NRIP3: variants seen among roughly 807,000 people sequenced by gnomAD.
NRIP3 encodes the protein nuclear receptor interacting protein 3.
A neutral mutation model predicts 29.0 loss-of-function variants in NRIP3; 31 were observed. That is an observed-to-expected ratio of 1.07 (90% CI 0.80 to 1.44). The LOEUF is 1.44. Ranked by LOEUF, NRIP3 falls within the 40% of genes most tolerant of loss-of-function variation. The pLI, the probability that NRIP3 is intolerant of heterozygous loss-of-function variation, is 0.00. For synonymous variants in NRIP3, 131 were observed against 118.3 expected (o/e 1.11, Z -0.70); for missense variants, 314 against 297.9 (o/e 1.05, Z -0.40).
In NRIP3 at chr11:8,985,726, G is replaced by C; in HGVS notation, c.547C>G (p.Pro183Ala). ...ITLGSLRLDC[P>A]AAVVDDNEKN... The stretch of plus-strand genomic sequence containing the variant: ...TTCTGCTTACCAACCACAGCTGCTG[G>C]GCAGTCCAGGCGGAGGGAGCCCAGT... Residue 183 changes from proline to alanine, a missense_variant, in exon 4 of 7, where the codon CCA (proline) becomes GCA (alanine). Transcript: ENST00000309166. 1.2e-6 allele frequency: 2 copies of C among 1,613,970 alleles called. No homozygotes were observed.
chr11:8,989,071 G>T (rs771648695), intron 1 of NRIP3, among the ~76,000 whole-genome samples: 66 of 152,308 alleles, frequency 4.3e-4, no homozygotes, highest in Middle Eastern at 3.4e-3. Flanking sequence ...CAAGAAGCAG[G>T]GGACTTAATT....
chr11:8,985,962 A>C, intron 3 of NRIP3, 112 bp from the exon 4 acceptor site: 1 of 1,280,100 alleles, frequency 7.8e-7, no homozygotes, highest in South Asian at 1.4e-5. Context: ...TCCTGGGATT[A>C]ATCTACCGAA....
At chr11:8,992,880 C>A (rs905313442) in intron 1 of NRIP3, among the ~76,000 whole-genome samples, 2 of 151,932 alleles carry the variant, frequency 1.3e-5, no homozygotes, top group East Asian at 1.9e-4. Context: ...CCACTGCACT[C>A]CAGCCTGGGT....
chr11:9,001,760 G>T (rs1373324338), intron 1 of NRIP3, among the ~76,000 whole-genome samples: 1 of 144,498 alleles, frequency 6.9e-6, no homozygotes, highest in Non-Finnish European at 1.5e-5. Flanking sequence ...CAGCGCTTGC[G>T]GCTCTCCTAG....
intron 1 of NRIP3, among the ~76,000 whole-genome samples, chr11:8,996,275 CTTTTTTTTTT>C (rs386373056): frequency 1.2e-5 from 1 of 82,944 alleles, no homozygotes; most frequent in African/African-American, 4.9e-5. Context: ...CCTTTTTTTC[CTTTTTTTTTT>C]TTTTTTTTTT....
chr11:9,002,184 T>C (rs1405040785), intron 1 of NRIP3, among the ~76,000 whole-genome samples: 1 of 152,214 alleles, frequency 6.6e-6, no homozygotes, highest in Non-Finnish European at 1.5e-5. Flanking sequence ...AACTCTGTAT[T>C]TTAATTCTTC....
rs949549313 is a variant in NRIP3, at chr11:9,003,750, G to A, written c.174+12C>T. ...CGCCGGGGCCGGGGCGAGAACGGCG[G>A]CGGGGGCTCACCATGTCCTTGGACG... On this transcript the variant is annotated intron_variant, in intron 1 of 6. Coordinates refer to ENST00000309166, the MANE Select transcript of NRIP3 (RefSeq NM_020645.3). The A allele has an allele frequency of 3.6e-6, 5 of 1,400,668 alleles. No individual in the cohort carries two copies. The highest frequency in any genetic ancestry group is 4.7e-6 in the Non-Finnish European group (5 of 1,068,904). The allele number at this position is 1,400,668 out of a possible 1,614,324, so 86.8% of individuals were successfully genotyped here.
chr11:9,001,617 T>C (rs1755162764), intron 1 of NRIP3, among the ~76,000 whole-genome samples: 2 of 152,194 alleles, frequency 1.3e-5, no homozygotes, highest in South Asian at 2.1e-4. Context: ...TGAGAGAAAA[T>C]TGAGTCAACA....
chr11:8,982,337 C>T lies in NRIP3; in HGVS notation c.*1208G>A, dbSNP rs1041632308. ...TGTATCAGGACAGAACTGAACATCT[C>T]AATTCCCTGCCTGAAAATGTCATTC... On this transcript the variant is annotated 3_prime_UTR_variant, in exon 7 of 7. Coordinates refer to ENST00000309166, the MANE Select transcript of NRIP3 (RefSeq NM_020645.3). 1 of 152,584 alleles carries T rather than the reference C, an allele frequency of 6.6e-6. No homozygotes were observed. Among genetic ancestry groups the T allele is most frequent in the African/African-American group, 2.4e-5 (1 of 41,464 alleles). 9.5% of individuals were successfully genotyped at this position (152,584 alleles called of 1,614,324 possible). A position where few individuals can be genotyped will look rare whatever the true frequency, so the allele number is the denominator to read the frequency against.
At position 8,992,647 on chromosome 11, in the gene NRIP3, ACG is replaced by A. The variant is rs956686300; in HGVS notation, c.175-4367_175-4366del. ...AATCTGGGGCCGGGCGCAGTGGCTCACGTCTGTAATCCCAGCACTTTGGGAGG... is the reference window on the plus strand; with the variant it reads ...AATCTGGGGCCGGGCGCAGTGGCTCATCTGTAATCCCAGCACTTTGGGAGG... On this transcript the variant is annotated intron_variant, in intron 1 of 6. Transcript: ENST00000309166. Among the ~76,000 whole-genome samples the A allele has an allele frequency of 7.6e-4, 115 of 152,230 alleles. 11 individuals are homozygous for A. Among genetic ancestry groups the A allele is most frequent in the Non-Finnish European group, 7.3e-5 (5 of 68,046 alleles).
chr11:8,985,834 T>C lies in NRIP3; in HGVS notation c.439A>G (p.Lys147Glu). 1 of 1,614,142 alleles carries C rather than the reference T, an allele frequency of 6.2e-7. No individual in the cohort carries two copies. The highest frequency in any genetic ancestry group is 8.5e-7 in the Non-Finnish European group (1 of 1,180,022). ...VDRLGLKEHV[K>E]SHKHEGEKLS... is the part of the protein sequence containing the mutation. ...TTTTCTCCTTCATGCTTGTGGGATT[T>C]GACATGCTCCTTGAGTCTGTACCAA... Residue 147 changes from lysine to glutamate, a missense_variant, in exon 4 of 7, where the codon AAA becomes GAA. Physicochemically the swap from Lys to Glu is moderately conservative, Grantham distance 56. Coordinates refer to ENST00000309166, the MANE Select transcript of NRIP3 (RefSeq NM_020645.3).
intron 1 of NRIP3, among the ~76,000 whole-genome samples, chr11:9,001,389 G>A (rs1384239032): frequency 6.6e-6 from 1 of 152,070 alleles, no homozygotes; most frequent in East Asian, 1.9e-4. Flanking sequence ...AAATCCCAGC[G>A]GTATATTCAA....
rs773978052 is a variant in NRIP3 at position 9,003,968 on chromosome 11, C to A, written c.-33G>T. On this transcript the variant is annotated 5_prime_UTR_variant, in exon 1 of 7. Transcript: ENST00000309166. ...GCGCCGGCGGCCCGGTAGCCCACAG[C>A]CCCCCGGCAGCCTCAGCCTCGAGCT... 8.2e-6 allele frequency: 12 copies of A among 1,462,974 alleles called. No homozygotes were observed. The East Asian group carries it at 1.5e-4, about 18-fold the overall frequency. 90.6% of individuals were successfully genotyped at this position (1,462,974 alleles called of 1,614,324 possible).
At chr11:8,998,362 A>G (rs1447585551) in intron 1 of NRIP3, among the ~76,000 whole-genome samples, 2 of 152,100 alleles carry the variant, frequency 1.3e-5, no homozygotes, top group Non-Finnish European at 2.9e-5. Context: ...CCTCATTATT[A>G]TCTGTTTTGT....
chr11:8,983,134 A>G lies in NRIP3; in HGVS notation c.*411T>C. On this transcript the variant is annotated 3_prime_UTR_variant, in exon 7 of 7. Transcript: ENST00000309166. Reference sequence around the variant, plus strand: ...AGGTATCCTGGCACCTGTTTGAAACAGCTGAAAGGAGGTAAAGGTCAGGTT... The same window carrying G: ...AGGTATCCTGGCACCTGTTTGAAACGGCTGAAAGGAGGTAAAGGTCAGGTT... The G allele has an allele frequency of 2.5e-6, 1 of 402,112 alleles. No individual in the cohort carries two copies. The allele number at this position is 402,112 out of a possible 1,614,324, so 24.9% of individuals were successfully genotyped here.
intron 1 of NRIP3, among the ~76,000 whole-genome samples, chr11:9,003,417 T>C (rs1589967252): frequency 6.6e-6 from 1 of 152,018 alleles, no homozygotes; most frequent in South Asian, 2.1e-4. Context: ...CCACACAGCA[T>C]AGGAGGCACA....
At chr11:8,991,497 TTACCTC>T (rs2134917652) in intron 1 of NRIP3, among the ~76,000 whole-genome samples, 1 of 152,280 alleles carries the variant, frequency 6.6e-6, no homozygotes, top group African/African-American at 2.4e-5. Context: ...AGCTGCATAT[TTACCTC>T]TGCTTTCAGC....
At chr11:8,993,684 C>T (rs1344384474) in intron 1 of NRIP3, among the ~76,000 whole-genome samples, 1 of 151,906 alleles carries the variant, frequency 6.6e-6, no homozygotes, top group Non-Finnish European at 1.5e-5. Flanking sequence ...TAGTGCACGC[C>T]TGTAGCCCCA....
At chr11:9,001,390 G>GTA (rs1478216685) in intron 1 of NRIP3, among the ~76,000 whole-genome samples, 1 of 152,126 alleles carries the variant, frequency 6.6e-6, no homozygotes. Context: ...AATCCCAGCG[G>GTA]TATATTCAAA....
Sources: gnomAD v4.1 joint callset for allele counts (sites outside exome capture counted in the v4.1 genomes callset) on GRCh38, gnomAD v4.1.1 for gene constraint, MANE v1.5 for transcripts, NCBI Gene and HGNC (gene_info 2026-07-23, HGNC 2026-07-21) for gene names.